KIAA1217: variants seen among roughly 807,000 people sequenced by gnomAD.
KIAA1217 encodes KIAA1217, also known as sickle tail protein homolog.
A neutral mutation model predicts 163.9 loss-of-function variants in KIAA1217; 88 were observed. The ratio of observed to expected loss-of-function variants is 0.54; its 90% CI spans 0.45 to 0.64. KIAA1217 has a LOEUF of 0.64. Ranked by LOEUF, KIAA1217 falls within the 30% of genes least tolerant of loss-of-function variation. KIAA1217 has a pLI of 0.00. For missense variants in KIAA1217, 2,372 were observed against 2,475.0 expected, an observed-to-expected ratio of 0.96 and a Z score of 0.88; for synonymous variants, 903 against 923.1, an observed-to-expected ratio of 0.98 and a Z score of 0.39.
intron 6 of KIAA1217, among the ~76,000 whole-genome samples, chr10:24,490,233 T>C (rs188472013): frequency 6.6e-6 from 1 of 152,364 alleles, no homozygotes; most frequent in Admixed American, 6.5e-5. Flanking sequence ...TACGAAATCA[T>C]TTTTAAGCCA....
At chr10:24,051,678 T>C (rs1849523690) in intron 2 of KIAA1217, among the ~76,000 whole-genome samples, 1 of 152,190 alleles carries the variant, frequency 6.6e-6, no homozygotes, top group African/African-American at 2.4e-5. Context: ...TTTCTCATTG[T>C]GGTTTTGATT....
At chr10:24,220,661 A>G (rs2069484670) in intron 2 of KIAA1217, among the ~76,000 whole-genome samples, 1 of 146,730 alleles carries the variant, frequency 6.8e-6, no homozygotes, top group South Asian at 2.2e-4. Context: ...TCATCGTGTT[A>G]CCCAGGATGG....
In KIAA1217 at chr10:24,192,996, G is replaced by C. The variant is rs568147175; in HGVS notation, c.-170-26630G>C. Among the ~76,000 whole-genome samples the C allele has an allele frequency of 2.8e-4, 42 of 151,832 alleles. No individual in the cohort carries two copies. In the East Asian group the frequency reaches 7.6e-3, roughly 28 times the overall value. ...GGAGTCTTGCTATGTTGCACAGGCT[G>C]GTCTTAAACTCCTGGGCTTAAGCAA... On this transcript the variant is annotated intron_variant, in intron 2 of 18. Coordinates refer to the KIAA1217 transcript ENST00000376462.
intron 2 of KIAA1217, among the ~76,000 whole-genome samples, chr10:24,334,467 G>GGAAGGAAA (rs1170956022): frequency 6.7e-6 from 1 of 149,586 alleles, no homozygotes; most frequent in Non-Finnish European, 1.5e-5. Context: ...AAGGAAGGAA[G>GGAAGGAAA]GAAGGAAGGA....
intron 2 of KIAA1217, among the ~76,000 whole-genome samples, chr10:24,258,923 T>C (rs570990478): frequency 6.6e-6 from 1 of 152,130 alleles, no homozygotes; most frequent in Non-Finnish European, 1.5e-5. Flanking sequence ...CACAGCTGCC[T>C]GTTGACCTGG....
At chr10:23,883,452 G>T (rs550015695) in intron 1 of KIAA1217, among the ~76,000 whole-genome samples, 1 of 151,988 alleles carries the variant, frequency 6.6e-6, no homozygotes, top group South Asian at 2.1e-4. Context: ...GTCAGTACAC[G>T]TTTTTTCAAA....
intron 2 of KIAA1217, among the ~76,000 whole-genome samples, chr10:24,084,368 A>G (rs1389667334): frequency 6.6e-6 from 1 of 152,230 alleles, no homozygotes; most frequent in Admixed American, 6.5e-5. Context: ...AGTAGCCAGA[A>G]AGGTACATAT....
intron 2 of KIAA1217, among the ~76,000 whole-genome samples, chr10:24,335,523 A>G (rs2046234481): frequency 6.6e-6 from 1 of 151,766 alleles, no homozygotes; most frequent in Non-Finnish European, 1.5e-5. Context: ...TGATGGCACG[A>G]GCCTGTGAAT....
At chr10:23,822,263 A>AACTG (rs1156363135) in intron 1 of KIAA1217, among the ~76,000 whole-genome samples, 1 of 152,158 alleles carries the variant, frequency 6.6e-6, no homozygotes, top group East Asian at 1.9e-4. Context: ...ATGAACCTAA[A>AACTG]AGTTCTGGAA....
intron 2 of KIAA1217, among the ~76,000 whole-genome samples, chr10:24,269,210 T>TTA (rs2076542702): frequency 2.3e-5 from 2 of 87,074 alleles, no homozygotes; most frequent in East Asian, 6.2e-4. Flanking sequence ...AAAGTATAAT[T>TTA]AAAAAAAAAA....
At chr10:24,345,715 G>T (rs2047646484) in intron 2 of KIAA1217, among the ~76,000 whole-genome samples, 1 of 152,160 alleles carries the variant, frequency 6.6e-6, no homozygotes, top group Non-Finnish European at 1.5e-5. Context: ...CCTAGGCTAG[G>T]AGTTGGTGAT....
intron 1 of KIAA1217, among the ~76,000 whole-genome samples, chr10:23,872,015 C>G (rs897742130): frequency 2.0e-5 from 3 of 152,024 alleles, no homozygotes; most frequent in African/African-American, 7.2e-5. Flanking sequence ...TTCAGCTTTT[C>G]TGAGAAGATC....
rs190418407 is a variant in KIAA1217, at chr10:24,250,392, G to A, written c.354+30483G>A. Among the ~76,000 whole-genome samples the A allele has an allele frequency of 1.3e-4, 20 of 150,796 alleles. 1 individual carries two copies. In the South Asian group the frequency reaches 2.9e-3, roughly 22 times the overall value. On this transcript the variant is annotated intron_variant, in intron 2 of 20. Coordinates refer to ENST00000376454, the MANE Select transcript of KIAA1217 (RefSeq NM_019590.5). Reference sequence around the variant, plus strand: ...GAATGCACATTGGCAACAATTTTACGCGTGTTTCCAAAAGTGCTGACTGGA... The same window carrying A: ...GAATGCACATTGGCAACAATTTTACACGTGTTTCCAAAAGTGCTGACTGGA...
intron 1 of KIAA1217, among the ~76,000 whole-genome samples, chr10:24,002,264 A>G (rs1199179963): frequency 6.6e-6 from 1 of 152,204 alleles, no homozygotes; most frequent in African/African-American, 2.4e-5. Context: ...TCAGGGCCAC[A>G]GTCACTTGTG....
chr10:24,313,279 T>A (rs1383553816), intron 2 of KIAA1217, among the ~76,000 whole-genome samples: 1 of 152,196 alleles, frequency 6.6e-6, no homozygotes, highest in Non-Finnish European at 1.5e-5. Context: ...ACAGGAGCCC[T>A]CATTGCCAAC....
Position 24,504,969 on chromosome 10 carries a change from A to G in KIAA1217, c.2001+3424A>G, listed in dbSNP as rs535774976. ...AGTTATCGGTCTAAGAGTGGTTCTC[A>G]ATCCTGGCTACTCATTAGAATTATT... is the stretch of plus-strand genomic sequence containing the variant. On this transcript the variant is annotated intron_variant, in intron 9 of 20. Transcript: ENST00000376454. Among the ~76,000 whole-genome samples the G allele has an allele frequency of 3.9e-5, 6 of 152,260 alleles. No individual in the cohort carries two copies. The East Asian group carries it at 9.7e-4, about 24-fold the overall frequency.
At chr10:23,740,556 T>C (rs948577803) in intron 1 of KIAA1217, among the ~76,000 whole-genome samples, 3 of 152,134 alleles carry the variant, frequency 2.0e-5, no homozygotes, top group Non-Finnish European at 4.4e-5. Context: ...GATGGGGTCC[T>C]GCTATATTGC....
At chr10:24,041,412 T>G (rs1443470915) in intron 2 of KIAA1217, among the ~76,000 whole-genome samples, 1 of 152,226 alleles carries the variant, frequency 6.6e-6, no homozygotes, top group Non-Finnish European at 1.5e-5. Context: ...ATGACTATTG[T>G]TTTTTGTAAA....
intron 1 of KIAA1217, among the ~76,000 whole-genome samples, chr10:23,857,594 A>T (rs1239788986): frequency 6.6e-6 from 1 of 152,212 alleles, no homozygotes; most frequent in Non-Finnish European, 1.5e-5. Context: ...GTATTAAATC[A>T]GAAGGTCTAG....
Sources: allele counts gnomAD v4.1 joint callset (sites outside exome capture counted in the v4.1 genomes callset), GRCh38; gene constraint gnomAD v4.1.1; transcripts MANE v1.5; gene names NCBI Gene and HGNC (gene_info 2026-07-23, HGNC 2026-07-21).